PPME1: variants seen among roughly 807,000 people sequenced by gnomAD.
The protein encoded by PPME1 is testicular secretory protein Li 39.
In PPME1, 17 loss-of-function variants were observed where a neutral mutation model predicts 56.9. The ratio of observed to expected loss-of-function variants is 0.30; its 90% CI spans 0.20 to 0.45. The LOEUF is 0.45. PPME1 is among the 20% of genes least tolerant of loss of function. The pLI is 1.00. For synonymous variants in PPME1, 122 were observed against 156.2 expected (o/e 0.78, Z 1.63); for missense variants, 357 against 483.2 (o/e 0.74, Z 2.45).
At chr11:74,211,642 A>G (rs1858478284) in intron 3 of PPME1, among the ~76,000 whole-genome samples, 1 of 152,204 alleles carries the variant, frequency 6.6e-6, no homozygotes, top group African/African-American at 2.4e-5. Context: ...ACTTCTAGAC[A>G]AAATACCGTA....
chr11:74,243,560 G>A lies in PPME1; in HGVS notation c.835-2516G>A, dbSNP rs995469940. ...TGGCAGTAAGTGTTTCCTTTAAAGT[G>A]TCCTATCCCTGGTAAATATTAACAG... is the stretch of plus-strand genomic sequence containing the variant. On this transcript the variant is annotated intron_variant, in intron 9 of 13. Coordinates refer to ENST00000328257, the MANE Select transcript of PPME1 (RefSeq NM_016147.3). 5.9e-5 allele frequency: 9 copies of A among 152,046 alleles called. No individual in the cohort carries two copies. The South Asian group carries it at 1.9e-3, about 31-fold the overall frequency. 9.4% of individuals were successfully genotyped at this position (152,046 alleles called of 1,614,324 possible). A position where few individuals can be genotyped will look rare whatever the true frequency, so the allele number is the denominator to read the frequency against.
intron 12 of PPME1, chr11:74,251,323 G>C: frequency 7.3e-7 from 1 of 1,362,688 alleles, no homozygotes; most frequent in Non-Finnish European, 9.4e-7. Flanking sequence ...GATTAGGGTA[G>C]AAACTGCTCC....
intron 9 of PPME1, among the ~76,000 whole-genome samples, chr11:74,242,897 A>AAC (rs1331056761): frequency 8.6e-5 from 13 of 150,934 alleles, no homozygotes; most frequent in African/African-American, 2.9e-4. Context: ...AAAAAAAAAA[A>AAC]AAAAAACAGG....
chr11:74,217,144 C>T (rs1858668364), intron 3 of PPME1, among the ~76,000 whole-genome samples: 1 of 152,104 alleles, frequency 6.6e-6, no homozygotes, highest in Non-Finnish European at 1.5e-5. Flanking sequence ...AATACCAAAA[C>T]CAGACAGACA....
In PPME1 at chr11:74,227,692, C is replaced by T. The variant is rs569116046; in HGVS notation, c.398+2436C>T. On this transcript the variant is annotated intron_variant, in intron 5 of 13. Coordinates refer to ENST00000328257, the MANE Select transcript of PPME1 (RefSeq NM_016147.3). ...ACCAAAATTGTAATACATCCAGTTA[C>T]AGTCTAGATTTGTAGGTAACCCTTG... Among the ~76,000 whole-genome samples the T allele has an allele frequency of 3.3e-5, 5 of 152,254 alleles. No individual in the cohort carries two copies. In the South Asian group the frequency reaches 1.0e-3, roughly 32 times the overall value.
chr11:74,250,206 G>A (rs1455764799), intron 11 of PPME1: 2 of 152,132 alleles, frequency 1.3e-5, no homozygotes, highest in African/African-American at 4.8e-5. Flanking sequence ...AAAATCTGCT[G>A]TCTCTACTTA....
At chr11:74,197,160 C>T (rs377101824) in intron 1 of PPME1, among the ~76,000 whole-genome samples, 15 of 152,250 alleles carry the variant, frequency 9.9e-5, no homozygotes, top group East Asian at 9.7e-4. Context: ...GTATCCCATT[C>T]GCTTTTACTA....
At chr11:74,225,054 A>AT (rs957470017) in intron 4 of PPME1, 151 bp from the exon 5 acceptor site, 42 of 559,726 alleles carry the variant, frequency 7.5e-5, no homozygotes, top group Non-Finnish European at 1.2e-4. Context: ...AACTATAAAG[A>AT]TTTTTCTGAA....
intron 1 of PPME1, among the ~76,000 whole-genome samples, chr11:74,176,504 A>G (rs1019545205): frequency 2.0e-5 from 3 of 152,008 alleles, no homozygotes; most frequent in Non-Finnish European, 4.4e-5. Context: ...ACTCTTTTAA[A>G]TGTACAATTC....
chr11:74,212,915 A>G (rs1161763833), intron 3 of PPME1, among the ~76,000 whole-genome samples: 1 of 152,186 alleles, frequency 6.6e-6, no homozygotes, highest in African/African-American at 2.4e-5. Context: ...GTGACCCAAC[A>G]CATTCCCAGC....
At chr11:74,207,805 G>A (rs75922733) in intron 3 of PPME1, among the ~76,000 whole-genome samples, 5,812 of 152,240 alleles carry the variant, frequency 0.038, 220 homozygotes, top group African/African-American at 0.098. Context: ...TGCAGCTGCA[G>A]CAGGCTAGAT....
Position 74,215,821 on chromosome 11 carries a change from C to T in PPME1, c.289-6491C>T, listed in dbSNP as rs571190045. Among the ~76,000 whole-genome samples the T allele has an allele frequency of 2.0e-5, 3 of 152,258 alleles. No individual in the cohort carries two copies. In the South Asian group the frequency reaches 6.2e-4, roughly 32 times the overall value. ...AATAAAGTGAGGGACAAAGATATTC[C>T]ATGCTGATGCAAACTAAAAAGTGGG... On this transcript the variant is annotated intron_variant, in intron 3 of 13. Coordinates refer to ENST00000328257, the MANE Select transcript of PPME1 (RefSeq NM_016147.3).
intron 1 of PPME1, among the ~76,000 whole-genome samples, chr11:74,172,188 CGAA>C (rs1857267196): frequency 6.6e-6 from 1 of 151,570 alleles, no homozygotes; most frequent in African/African-American, 2.4e-5. Context: ...AACATAGCCA[CGAA>C]GATTGTTAAG....
intron 1 of PPME1, among the ~76,000 whole-genome samples, chr11:74,195,157 A>C (rs1857947441): frequency 6.6e-6 from 1 of 152,228 alleles, no homozygotes. Flanking sequence ...AAAGAATAAT[A>C]AATTCTCATG....
At chr11:74,250,054 G>A (rs1397519013) in intron 11 of PPME1, 1 of 152,162 alleles carries the variant, frequency 6.6e-6, no homozygotes, top group African/African-American at 2.4e-5. Flanking sequence ...TAGATTTTGA[G>A]AATCAACTTT....
chr11:74,253,535 A>C lies in PPME1; in HGVS notation c.*25A>C. 1 of 1,595,378 alleles carries C rather than the reference A, an allele frequency of 6.3e-7. No homozygotes were observed. Among genetic ancestry groups the C allele is most frequent in the Non-Finnish European group, 8.6e-7 (1 of 1,163,110 alleles). ...GTGACCTGCTGTCCACCCCTCCTCAACATCGAGCTCTGTTGTAAATACGTC... is the reference window on the plus strand; with the variant it reads ...GTGACCTGCTGTCCACCCCTCCTCACCATCGAGCTCTGTTGTAAATACGTC... On this transcript the variant is annotated 3_prime_UTR_variant, in exon 14 of 14. Transcript: ENST00000328257.
chr11:74,214,042 G>T (rs1858552520), intron 3 of PPME1, among the ~76,000 whole-genome samples: 1 of 152,106 alleles, frequency 6.6e-6, no homozygotes, highest in South Asian at 2.1e-4. Context: ...TGACCTTTCA[G>T]ACAGAATTCA....
intron 5 of PPME1, among the ~76,000 whole-genome samples, chr11:74,225,947 C>T (rs1858923067): frequency 6.6e-6 from 1 of 152,158 alleles, no homozygotes; most frequent in Non-Finnish European, 1.5e-5. Context: ...ATTCTTCTAG[C>T]CACTCTGCTT....
chr11:74,230,991 T>C lies in PPME1; in HGVS notation c.633T>C (p.Ala211=). The change falls in exon 7 of 14, where the codon GCT becomes GCC. Residue 211 remains alanine, a synonymous_variant. Coordinates refer to ENST00000328257, the MANE Select transcript of PPME1 (RefSeq NM_016147.3). The surrounding 1 kb of genome is among the most constrained non-coding windows in gnomAD (Gnocchi z 4.9). ...AAACCTTCAAGTCTCTGGAGAATGC[T>C]ATTGAATGGAGGTAACCAACAAATC... ...RPKTFKSLEN[A]IEWSVKSGQI... is the part of the protein sequence containing the mutation. 1 of 1,595,896 alleles carries C rather than the reference T, an allele frequency of 6.3e-7. No homozygotes were observed. The highest frequency in any genetic ancestry group is 1.7e-5 in the Admixed American group (1 of 57,914).
Sources: allele counts gnomAD v4.1 joint callset (sites outside exome capture counted in the v4.1 genomes callset), GRCh38; gene constraint gnomAD v4.1.1; non-coding constraint Gnocchi (gnomAD v3.1); transcripts MANE v1.5; gene names NCBI Gene and HGNC (gene_info 2026-07-23, HGNC 2026-07-21).